The following SLC43A3 variants were observed in gnomAD, a reference collection of about 807,000 sequenced individuals.
The protein encoded by SLC43A3 is equilibrative nucleobase transporter 1.
SLC43A3 carries 33 observed loss-of-function variants against 53.3 expected under a neutral mutation model. That is an observed-to-expected ratio of 0.62 (90% confidence interval 0.47 to 0.83). SLC43A3 has a LOEUF of 0.83. Ranked by LOEUF, SLC43A3 falls within the 40% of genes least tolerant of loss-of-function variation. The pLI, the probability that SLC43A3 is intolerant of heterozygous loss-of-function variation, is 0.00. For synonymous variants in SLC43A3, 236 were observed against 246.2 expected (o/e 0.96, Z 0.39); for missense variants, 530 against 610.0 (o/e 0.87, Z 1.38).
At position 57,416,720 on chromosome 11, in the gene SLC43A3, C is replaced by T. The variant is rs771445478; in HGVS notation, c.672-50G>A. On this transcript the variant is annotated intron_variant, in intron 8 of 13. Transcript: ENST00000395124. ...CAAGGCCAAGGACTGTGAGCCGAAC[C>T]TGAGACTCAGACTGGAGGGAATAGC... 11 of 1,411,550 alleles carry T rather than the reference C, an allele frequency of 7.8e-6. No individual in the cohort carries two copies. The South Asian group carries it at 1.3e-4, about 16-fold the overall frequency. The allele number at this position is 1,411,550 out of a possible 1,614,324, so 87.4% of individuals were successfully genotyped here.
In SLC43A3 at chr11:57,407,768, G is replaced by A; in HGVS notation, c.*24C>T. On this transcript the variant is annotated 3_prime_UTR_variant, in exon 14 of 14. Coordinates refer to ENST00000395124, the MANE Select transcript of SLC43A3 (RefSeq NM_199329.3). ...GGAAGATGAACAAAACCATCCTCGGGGCTGAAAAGTGAGGGCTTCTGAACT... is the reference window on the plus strand; with the variant it reads ...GGAAGATGAACAAAACCATCCTCGGAGCTGAAAAGTGAGGGCTTCTGAACT... 2.0e-6 allele frequency: 3 copies of A among 1,487,768 alleles called. No homozygotes were observed. The highest frequency in any genetic ancestry group is 2.8e-6 in the Non-Finnish European group (3 of 1,066,148). 92.2% of individuals were successfully genotyped at this position (1,487,768 alleles called of 1,614,324 possible).
Position 57,426,153 on chromosome 11 carries a change from G to T in SLC43A3, c.20C>A (p.Pro7His), listed in dbSNP as rs531795219. 1 of 1,613,992 alleles carries T rather than the reference G, an allele frequency of 6.2e-7. No individual in the cohort carries two copies. The highest frequency in any genetic ancestry group is 1.3e-5 in the African/African-American group (1 of 75,066). The change falls in exon 3 of 14, where the codon CCC (proline) becomes CAC (histidine). Residue 7 changes from proline to histidine, a missense_variant. This residue lies in a region of SLC43A3 where 30 missense variants were observed against 57.0 expected (regional missense o/e 0.53). Coordinates refer to ENST00000395124, the MANE Select transcript of SLC43A3 (RefSeq NM_199329.3). MAGQGL[P>H]LHVATLLTGL... ...AGTCAGCAGTGTGGCCACGTGCAGGGGCAGGCCCTGGCCCGCCATGAGCAG... is the reference window on the plus strand; with the variant it reads ...AGTCAGCAGTGTGGCCACGTGCAGGTGCAGGCCCTGGCCCGCCATGAGCAG...
intron 8 of SLC43A3, among the ~76,000 whole-genome samples, chr11:57,416,925 G>C (rs1469583425): frequency 2.6e-5 from 4 of 152,208 alleles, no homozygotes; most frequent in Non-Finnish European, 5.9e-5. Flanking sequence ...AGCATGAAAA[G>C]AGTAGGGCAG....
At chr11:57,422,047 C>T (rs1019276940) in intron 5 of SLC43A3, among the ~76,000 whole-genome samples, 1 of 152,236 alleles carries the variant, frequency 6.6e-6, no homozygotes, top group Non-Finnish European at 1.5e-5. Context: ...AGCTCAAGAG[C>T]TGGGCTAGGG....
intron 5 of SLC43A3, among the ~76,000 whole-genome samples, chr11:57,422,428 A>C (rs959944378): frequency 6.6e-6 from 1 of 152,210 alleles, no homozygotes; most frequent in Admixed American, 6.5e-5. Flanking sequence ...AAGAGAAATA[A>C]AAAGGGAATA....
intron 9 of SLC43A3, 135 bp downstream of exon 9, chr11:57,416,438 G>A: frequency 1.5e-6 from 1 of 649,996 alleles, no homozygotes; most frequent in Non-Finnish European, 2.7e-6. Flanking sequence ...GGGTTGGGAA[G>A]ATGCCTAAGG....
At chr11:57,420,493 A>C (rs1942936073) in intron 7 of SLC43A3, among the ~76,000 whole-genome samples, 1 of 152,148 alleles carries the variant, frequency 6.6e-6, no homozygotes. Context: ...ATTGACCTCT[A>C]ATAGCCTTGG....
intron 13 of SLC43A3, 147 bp from the exon 14 acceptor site, chr11:57,408,043 T>C: frequency 1.7e-6 from 1 of 601,386 alleles, no homozygotes; most frequent in South Asian, 2.0e-5. Flanking sequence ...CCAGACACTA[T>C]GGTGCCCTGG....
intron 13 of SLC43A3, 24 bp downstream of exon 13, chr11:57,409,151 G>T (rs754612836): frequency 6.2e-7 from 1 of 1,613,954 alleles, no homozygotes; most frequent in South Asian, 1.1e-5. Flanking sequence ...TCCTGCCAGG[G>T]ATCCCCATCC....
intron 11 of SLC43A3, among the ~76,000 whole-genome samples, chr11:57,411,471 C>CAA (rs56994898): frequency 2.3e-3 from 181 of 78,828 alleles, no homozygotes; most frequent in African/African-American, 3.2e-3. Flanking sequence ...CCTTCCTCTA[C>CAA]AAAAAAAAAA....
At chr11:57,409,858 C>T in intron 12 of SLC43A3, 77 bp downstream of exon 12, 1 of 1,409,472 alleles carries the variant, frequency 7.1e-7, no homozygotes, top group Non-Finnish European at 9.5e-7. Context: ...CCCGCCTTGC[C>T]TCCCAATTTC....
rs1943176221 is a variant in SLC43A3 at position 57,425,654 on chromosome 11, A to C, written c.201T>G (p.Asp67Glu). 3.7e-6 allele frequency: 6 copies of C among 1,614,114 alleles called. No homozygotes were observed. The highest frequency in any genetic ancestry group is 5.1e-6 in the Non-Finnish European group (6 of 1,180,008). The part of the protein sequence containing the change: ...ATGQADCKAQ[D>E]ERFSLIFTLG... ...GGGTGAAGATGAGTGAGAACCTCTC[A>C]TCCTGGGCTTTGCAGTCTGGAGTAG... is the stretch of plus-strand genomic sequence containing the variant. Residue 67 changes from aspartate (D) to glutamate (E), a missense_variant, in exon 4 of 14, where the codon GAT (aspartate) becomes GAG (glutamate). Around this residue, in one of 3 missense-constraint regions of SLC43A3, gnomAD observed 376 missense variants for 386.7 expected, o/e 0.97. Coordinates refer to ENST00000395124, the MANE Select transcript of SLC43A3 (RefSeq NM_199329.3).
chr11:57,408,241 A>T (rs1942289603), intron 13 of SLC43A3: 1 of 206,892 alleles, frequency 4.8e-6, no homozygotes, highest in African/African-American at 2.3e-5. Context: ...CTGATGTCAC[A>T]ATCAAGTCAT....
chr11:57,427,222 C>G (rs1943232407), upstream of SLC43A3: 1 of 152,904 alleles, frequency 6.5e-6, no homozygotes. Context: ...CTTCCTTCTT[C>G]TTTTCCCTTG....
chr11:57,417,612 G>C (rs1415545377), intron 8 of SLC43A3, 136 bp downstream of exon 8: 2 of 1,024,460 alleles, frequency 2.0e-6, no homozygotes, highest in Non-Finnish European at 2.8e-6. Flanking sequence ...TTTTGAGATA[G>C]TTTGTTATGC....
chr11:57,419,038 G>A (rs1942856306), intron 7 of SLC43A3, among the ~76,000 whole-genome samples: 1 of 151,978 alleles, frequency 6.6e-6, no homozygotes, highest in Non-Finnish European at 1.5e-5. Flanking sequence ...AGCTGATTAG[G>A]GACACCTGGT....
chr11:57,410,187 A>G (rs1405524829), intron 11 of SLC43A3, 66 bp from the exon 12 acceptor site: 1 of 1,331,562 alleles, frequency 7.5e-7, no homozygotes, highest in African/African-American at 1.5e-5. Context: ...GCGAAGGGCC[A>G]AGGAAGATTG....
rs142942816 is a variant in SLC43A3, at chr11:57,417,784, T to A, written c.635A>T (p.His212Leu). Reference protein sequence around the residue: ...ARTFLLMPRGHIPYPLPPNYS... With the variant: ...ARTFLLMPRGLIPYPLPPNYS... ...GTTGGGGGGCAGTGGGTATGGGATG[T>A]GCCCCCGGGGCATCAGGAGGAAAGT... Residue 212 changes from histidine to leucine, a missense_variant, in exon 8 of 14, where the codon CAC (histidine) becomes CTC (leucine). Physicochemically the swap from His to Leu is moderately conservative, Grantham distance 99. Coordinates refer to ENST00000395124, the MANE Select transcript of SLC43A3 (RefSeq NM_199329.3). The A allele has an allele frequency of 4.8e-4, 779 of 1,614,144 alleles. 13 individuals carry two copies. The East Asian group carries it at 0.017, about 36-fold the overall frequency.
chr11:57,414,794 C>G, intron 10 of SLC43A3, 63 bp from the exon 11 acceptor site: 1 of 1,525,782 alleles, frequency 6.6e-7, no homozygotes, highest in East Asian at 2.3e-5. Context: ...CAGGCAGGGA[C>G]TCTCCCACCT....
Sources: gnomAD v4.1 joint callset for allele counts (sites outside exome capture counted in the v4.1 genomes callset) on GRCh38, gnomAD v4.1.1 for gene constraint, gnomAD v4.1.1 regional missense constraint, MANE v1.5 for transcripts, NCBI Gene and HGNC (gene_info 2026-07-23, HGNC 2026-07-21) for gene names.